OSBP2: variants seen among roughly 807,000 people sequenced by gnomAD.
OSBP2 encodes the protein oxysterol-binding protein 2.
Under a neutral mutation model 96.0 loss-of-function variants are expected in OSBP2, and 66 were observed. The ratio of observed to expected loss-of-function variants is 0.69; its 90% CI spans 0.56 to 0.84. The LOEUF (loss-of-function observed/expected upper bound fraction) is 0.84. Ranked by LOEUF, OSBP2 falls within the 40% of genes least tolerant of loss-of-function variation. The pLI is 0.00. For synonymous variants in OSBP2, 525 were observed against 520.9 expected, an observed-to-expected ratio of 1.01 and a Z score of -0.11; for missense variants, 1,038 against 1,222.7, an observed-to-expected ratio of 0.85 and a Z score of 2.25.
intron 2 of OSBP2, among the ~76,000 whole-genome samples, chr22:30,762,537 G>A (rs562051866): frequency 1.3e-5 from 2 of 151,476 alleles, no homozygotes; most frequent in African/African-American, 2.4e-5. Flanking sequence ...GCAAGACTCC[G>A]TCTCCAAAAA....
rs190891636 is a variant in OSBP2, at chr22:30,737,500, T to A, written c.645-3661T>A. ...ACCTCACTTGGCTAATTAAAAAAAATTTTTTTTTGTAGAAATGGGGGTCTT... is the reference window on the plus strand; with the variant it reads ...ACCTCACTTGGCTAATTAAAAAAAAATTTTTTTTGTAGAAATGGGGGTCTT... On this transcript the variant is annotated intron_variant, in intron 1 of 13. Transcript: ENST00000332585. 4.3e-3 allele frequency among the ~76,000 whole-genome samples: 643 copies of A among 150,690 alleles called. 3 individuals carry two copies. Among genetic ancestry groups the A allele is most frequent in the Middle Eastern group, 0.024 (7 of 292 alleles).
chr22:30,817,663 G>A (rs2091097972), intron 2 of OSBP2, among the ~76,000 whole-genome samples: 1 of 152,186 alleles, frequency 6.6e-6, no homozygotes, highest in Non-Finnish European at 1.5e-5. Context: ...GAGTGATTAT[G>A]TTGCTTTCAT....
At chr22:30,711,150 GGGTCATTGTCACCCAGTT>G (rs1167461399) in intron 1 of OSBP2, among the ~76,000 whole-genome samples, 1 of 151,948 alleles carries the variant, frequency 6.6e-6, no homozygotes, top group Non-Finnish European at 1.5e-5. Flanking sequence ...GTGCCATAAG[GGGTCATTGTCACCCAGTT>G]GGTCATTGTT....
At chr22:30,776,223 T>C (rs2090434551) in intron 2 of OSBP2, among the ~76,000 whole-genome samples, 1 of 151,850 alleles carries the variant, frequency 6.6e-6, no homozygotes, top group Non-Finnish European at 1.5e-5. Context: ...CCTTCTGGGC[T>C]CAAGCAATCC....
In OSBP2 at chr22:30,732,836, T is replaced by C. The variant is rs569694342; in HGVS notation, c.645-8325T>C. Reference sequence around the variant, plus strand: ...AAGCCAGTAGGCCATTCCATTGTTTTGTCAGGCTCGCTGCCCCCTAGTGCA... The same window carrying C: ...AAGCCAGTAGGCCATTCCATTGTTTCGTCAGGCTCGCTGCCCCCTAGTGCA... On this transcript the variant is annotated intron_variant, in intron 1 of 13. Coordinates refer to ENST00000332585, the MANE Select transcript of OSBP2 (RefSeq NM_030758.4). 6.6e-5 allele frequency among the ~76,000 whole-genome samples: 10 copies of C among 152,318 alleles called. No homozygotes were observed. The East Asian group carries it at 1.2e-3, about 18-fold the overall frequency.
At chr22:30,753,378 A>G (rs1303298885) in intron 2 of OSBP2, among the ~76,000 whole-genome samples, 1 of 152,028 alleles carries the variant, frequency 6.6e-6, no homozygotes, top group Non-Finnish European at 1.5e-5. Flanking sequence ...AAAAGGGTAG[A>G]TGTGTTCAGG....
intron 1 of OSBP2, among the ~76,000 whole-genome samples, chr22:30,701,535 G>T (rs1160061996): frequency 6.6e-6 from 1 of 151,754 alleles, no homozygotes; most frequent in Non-Finnish European, 1.5e-5. Context: ...AGTACAGACG[G>T]GGTTTCACCA....
intron 2 of OSBP2, among the ~76,000 whole-genome samples, chr22:30,785,238 C>G (rs1017773151): frequency 1.3e-5 from 2 of 152,056 alleles, no homozygotes; most frequent in African/African-American, 2.4e-5. Context: ...AATGTGGGCC[C>G]TGTTTTGGAG....
intron 12 of OSBP2, among the ~76,000 whole-genome samples, chr22:30,902,981 G>A (rs964823387): frequency 2.0e-5 from 3 of 152,104 alleles, no homozygotes; most frequent in Non-Finnish European, 2.9e-5. Context: ...TATCTATCTA[G>A]TGCCTGTTTG....
chr22:30,836,752 A>G (rs2038640840), intron 2 of OSBP2, among the ~76,000 whole-genome samples: 1 of 152,120 alleles, frequency 6.6e-6, no homozygotes, highest in Non-Finnish European at 1.5e-5. Context: ...ACAGCAGGCA[A>G]TTGGGAGAGG....
intron 2 of OSBP2, among the ~76,000 whole-genome samples, chr22:30,804,799 T>C (rs1602288484): frequency 1.3e-5 from 2 of 152,336 alleles, no homozygotes; most frequent in Middle Eastern, 6.8e-3. Context: ...AGAATGGTTG[T>C]CTGGAAGGAT....
intron 2 of OSBP2, among the ~76,000 whole-genome samples, chr22:30,811,846 C>T (rs1202024634): frequency 5.3e-5 from 8 of 151,408 alleles, no homozygotes; most frequent in South Asian, 4.2e-4. Flanking sequence ...TAAGCCACCG[C>T]GCCCGGCCTA....
At chr22:30,814,773 T>C (rs966571590) in intron 2 of OSBP2, among the ~76,000 whole-genome samples, 4 of 152,178 alleles carry the variant, frequency 2.6e-5, no homozygotes, top group Non-Finnish European at 5.9e-5. Context: ...TCTGAGATCC[T>C]GGGGGTTTGG....
chr22:30,866,955 G>A (rs547434396), intron 2 of OSBP2, among the ~76,000 whole-genome samples: 90 of 152,264 alleles, frequency 5.9e-4, no homozygotes, highest in South Asian at 1.7e-3. Context: ...CTGGGCTTGG[G>A]GTGAGGCCCA....
chr22:30,812,632 A>G (rs927563845), intron 2 of OSBP2, among the ~76,000 whole-genome samples: 4 of 152,176 alleles, frequency 2.6e-5, no homozygotes, highest in African/African-American at 9.7e-5. Flanking sequence ...TTTCCATTGC[A>G]TAGATTTCTA....
At position 30,767,820 on chromosome 22, in the gene OSBP2, G is replaced by A. The variant is rs760863011; in HGVS notation, c.853+26451G>A. ...CCTTCTCAAGGAAGGAGGGCTGGGCGTTGGCAAGATGTGTCTTCTGACCCT... is the reference window on the plus strand; with the variant it reads ...CCTTCTCAAGGAAGGAGGGCTGGGCATTGGCAAGATGTGTCTTCTGACCCT... On this transcript the variant is annotated intron_variant, in intron 2 of 13. Coordinates refer to ENST00000332585, the MANE Select transcript of OSBP2 (RefSeq NM_030758.4). Among the ~76,000 whole-genome samples, 46 of 152,266 alleles carry A rather than the reference G, an allele frequency of 3.0e-4. 1 individual carries two copies. Among genetic ancestry groups the A allele is most frequent in the Non-Finnish European group, 4.1e-4 (28 of 68,030 alleles).
At chr22:30,703,795 G>A (rs896733620) in intron 1 of OSBP2, among the ~76,000 whole-genome samples, 7 of 152,254 alleles carry the variant, frequency 4.6e-5, no homozygotes, top group African/African-American at 1.7e-4. Flanking sequence ...AGCTTTTAAA[G>A]CTACTTTTCT....
rs569787607 is a variant in OSBP2, at chr22:30,717,753, C to T, written c.644+22200C>T. The stretch of plus-strand genomic sequence containing the variant: ...TCATCTCAAATATGTGCCAACATGA[C>T]TCCCCCTCAGGACTGGCCTCATCTC... On this transcript the variant is annotated intron_variant, in intron 1 of 13. Coordinates refer to ENST00000332585, the MANE Select transcript of OSBP2 (RefSeq NM_030758.4). 4.6e-5 allele frequency among the ~76,000 whole-genome samples: 7 copies of T among 152,284 alleles called. No homozygotes were observed. In the East Asian group the frequency reaches 7.7e-4, roughly 17 times the overall value.
At chr22:30,824,352 T>TGCAGCAGTCAAGA (rs1453445728) in intron 2 of OSBP2, among the ~76,000 whole-genome samples, 1 of 151,992 alleles carries the variant, frequency 6.6e-6, no homozygotes, top group African/African-American at 2.4e-5. Flanking sequence ...CAGCGGCGAG[T>TGCAGCAGTCAAGA]GCAGCAGTCA....
Sources: gnomAD v4.1 joint callset for allele counts (sites outside exome capture counted in the v4.1 genomes callset) on GRCh38, gnomAD v4.1.1 for gene constraint, MANE v1.5 for transcripts, NCBI Gene and HGNC (gene_info 2026-07-23, HGNC 2026-07-21) for gene names.